Variants in PTPRF observed in about 807,000 individuals in gnomAD.
PTPRF encodes receptor-type tyrosine-protein phosphatase F.
PTPRF carries 59 observed loss-of-function variants against 201.8 expected under a neutral mutation model. The observed-to-expected ratio is 0.29, with a 90% CI of 0.24 to 0.36. The LOEUF (loss-of-function observed/expected upper bound fraction) is 0.36, where lower values mean the gene tolerates loss of function less well. Among genes scored for constraint, PTPRF ranks in the 10% least tolerant of loss-of-function variants. The pLI, the probability that PTPRF is intolerant of heterozygous loss-of-function variation, is 1.00. For synonymous variants in PTPRF, 1,088 were observed against 1,089.7 expected, an observed-to-expected ratio of 1.00 and a Z score of 0.03; for missense variants, 2,132 against 2,690.5, an observed-to-expected ratio of 0.79 and a Z score of 4.59.
intron 11 of PTPRF, among the ~76,000 whole-genome samples, chr1:43,593,144 C>T (rs945080186): frequency 6.6e-6 from 1 of 152,212 alleles, no homozygotes; most frequent in African/African-American, 2.4e-5. Context: ...CCCACGTGTG[C>T]CTTGAATTGT....
chr1:43,546,078 G>A lies in PTPRF; in HGVS notation c.91+912G>A, dbSNP rs1472674944. Among the ~76,000 whole-genome samples the A allele has an allele frequency of 6.6e-6, 1 of 152,158 alleles. No homozygotes were observed. Among genetic ancestry groups the A allele is most frequent in the Non-Finnish European group, 1.5e-5 (1 of 68,018 alleles). ...GTCCAGAGCCCAGGGGTGATCCAGG[G>A]CCAACCCTGGGGTCAGCCCACGGGT... is the stretch of plus-strand genomic sequence containing the variant. On this transcript the variant is annotated intron_variant, in intron 3 of 33. Coordinates refer to ENST00000359947, the MANE Select transcript of PTPRF (RefSeq NM_002840.5). The surrounding 1 kb of genome is among the most constrained non-coding windows in gnomAD (Gnocchi z 4.2).
rs1653023687 is a variant in PTPRF, at chr1:43,598,820, G to A, written c.2220G>A (p.Gln740=). Residue 740 remains glutamine, a synonymous_variant, in exon 13 of 34, where the codon CAG becomes CAA. Transcript: ENST00000359947. ...CTGTCCCCAGCAAGCAGCATGGCCAGATCCGCGGCTACCAGGTCACCTACG... is the reference window on the plus strand; with the variant it reads ...CTGTCCCCAGCAAGCAGCATGGCCAAATCCGCGGCTACCAGGTCACCTACG... The part of the protein sequence containing the change: ...KLPVPSKQHG[Q]IRGYQVTYVR... 1 of 1,614,210 alleles carries A rather than the reference G, an allele frequency of 6.2e-7. No individual in the cohort carries two copies. The highest frequency in any genetic ancestry group is 1.3e-5 in the African/African-American group (1 of 75,068).
chr1:43,574,427 A>G (rs1646789520), intron 6 of PTPRF, among the ~76,000 whole-genome samples: 1 of 151,892 alleles, frequency 6.6e-6, no homozygotes, highest in Admixed American at 6.5e-5. Context: ...TTTTTAAGGA[A>G]AAATAGTTAT....
At chr1:43,530,600 A>AGTG (rs1436011248), upstream of PTPRF, among the ~76,000 whole-genome samples, 1 of 152,030 alleles carries the variant, frequency 6.6e-6, no homozygotes, top group African/African-American at 2.4e-5. The surrounding 1 kb of genome is among the most constrained non-coding windows in gnomAD (Gnocchi z 4.1). Context: ...GGGGTCCTAG[A>AGTG]GTGGTATTAG....
chr1:43,605,600 C>G lies in PTPRF; in HGVS notation c.3461C>G (p.Pro1154Arg). The change falls in exon 19 of 34, where the codon CCC becomes CGC. Residue 1154 changes from proline to arginine, a missense_variant. Pro to Arg is a moderately radical substitution (Grantham distance 103). Coordinates refer to ENST00000359947, the MANE Select transcript of PTPRF (RefSeq NM_002840.5). ...GSMLTPRWST[P>R]EELELDELLE... ...ATGCTGACGCCAAGGTGGAGCACAC[C>G]CGAGGAACTGGAGCTGGACGAGGTA... The G allele has an allele frequency of 3.1e-6, 5 of 1,614,100 alleles. No homozygotes were observed. In the East Asian group the frequency reaches 1.1e-4, roughly 36 times the overall value.
intron 5 of PTPRF, among the ~76,000 whole-genome samples, chr1:43,559,966 T>G (rs1448090750): frequency 6.7e-6 from 1 of 149,534 alleles, no homozygotes; most frequent in Non-Finnish European, 1.5e-5. Flanking sequence ...AGGCAGTGTG[T>G]TTATGTGTGT....
chr1:43,531,252 C>T (rs1264972531), intron 1 of PTPRF, among the ~76,000 whole-genome samples, 162 bp downstream of exon 1: 1 of 150,290 alleles, frequency 6.7e-6, no homozygotes, highest in Non-Finnish European at 1.5e-5. Context: ...CGCCCGCAGC[C>T]TCGGCGAAGC....
In PTPRF at chr1:43,622,106, T is replaced by G; in HGVS notation, c.*103T>G. The G allele has an allele frequency of 7.9e-7, 1 of 1,259,714 alleles. No homozygotes were observed. Among genetic ancestry groups the G allele is most frequent in the Non-Finnish European group, 1.1e-6 (1 of 870,874 alleles). 78.0% of individuals were successfully genotyped at this position (1,259,714 alleles called of 1,614,324 possible). On this transcript the variant is annotated 3_prime_UTR_variant, in exon 34 of 34. Coordinates refer to ENST00000359947, the MANE Select transcript of PTPRF (RefSeq NM_002840.5). The stretch of plus-strand genomic sequence containing the variant: ...TCGTCCAGCCCTCCTACGCAGATGC[T>G]GTCACTGGCAGAGCACAGCCCACGG...
intron 11 of PTPRF, among the ~76,000 whole-genome samples, chr1:43,597,131 C>G (rs753134205): frequency 4.0e-5 from 6 of 151,380 alleles, no homozygotes; most frequent in African/African-American, 1.5e-4. Flanking sequence ...ACGTGTGAGA[C>G]ACTGTGTATA....
chr1:43,595,659 T>TG (rs1176220686), intron 11 of PTPRF, among the ~76,000 whole-genome samples: 6 of 151,774 alleles, frequency 4.0e-5, no homozygotes, highest in African/African-American at 1.5e-4. Flanking sequence ...ACAGTATGGG[T>TG]GGTGAGAGAG....
chr1:43,567,351 C>A (rs544036968), intron 5 of PTPRF, among the ~76,000 whole-genome samples: 1 of 152,244 alleles, frequency 6.6e-6, no homozygotes, highest in Non-Finnish European at 1.5e-5. Flanking sequence ...TCCTTCCCTT[C>A]TCTTGCCACT....
chr1:43,531,746 CGCCCTGGAG>C (rs1299885787), intron 1 of PTPRF, among the ~76,000 whole-genome samples: 1 of 152,082 alleles, frequency 6.6e-6, no homozygotes, highest in African/African-American at 2.4e-5. Context: ...CCGGGTGCAA[CGCCCTGGAG>C]GCCCTGGAGC....
chr1:43,567,562 A>G (rs1241213286), intron 5 of PTPRF, among the ~76,000 whole-genome samples: 3 of 152,204 alleles, frequency 2.0e-5, no homozygotes, highest in Non-Finnish European at 2.9e-5. Context: ...CTCATGGGCC[A>G]CAGTCCCTTT....
chr1:43,584,919 T>C (rs1648726054), intron 7 of PTPRF, among the ~76,000 whole-genome samples: 1 of 152,230 alleles, frequency 6.6e-6, no homozygotes, highest in Admixed American at 6.5e-5. Context: ...TGAATGCTGA[T>C]GCCTCTGGGC....
chr1:43,590,601 G>A (rs766354863), intron 8 of PTPRF, among the ~76,000 whole-genome samples: 7 of 152,214 alleles, frequency 4.6e-5, no homozygotes, highest in Non-Finnish European at 8.8e-5. Flanking sequence ...GTGACCTGCA[G>A]AGGCACATAG....
intron 1 of PTPRF, among the ~76,000 whole-genome samples, chr1:43,531,966 T>G (rs1390479027): frequency 4.6e-5 from 7 of 152,192 alleles, no homozygotes; most frequent in Admixed American, 3.9e-4. Flanking sequence ...CCAGGGTCTC[T>G]CCAGCTGTCT....
chr1:43,571,228 C>A (rs1436473223), intron 6 of PTPRF, among the ~76,000 whole-genome samples: 2 of 152,192 alleles, frequency 1.3e-5, no homozygotes. Context: ...TCCCATTTTT[C>A]CCTAGCCTTT....
At chr1:43,612,812 A>G in intron 22 of PTPRF, 7 of 1,363,928 alleles carry the variant, frequency 5.1e-6, no homozygotes, top group South Asian at 2.3e-5. Flanking sequence ...TTAGTTTTCA[A>G]AGTTCCCGTG....
intron 22 of PTPRF, 112 bp downstream of exon 22, chr1:43,609,610 C>A (rs1471418495): frequency 4.1e-6 from 3 of 725,858 alleles, no homozygotes; most frequent in Admixed American, 5.1e-5. Flanking sequence ...TGCACTTGTT[C>A]CTGCTCCTTT....
Sources: allele counts gnomAD v4.1 joint callset (sites outside exome capture counted in the v4.1 genomes callset), GRCh38; gene constraint gnomAD v4.1.1; non-coding constraint Gnocchi (gnomAD v3.1); transcripts MANE v1.5; gene names NCBI Gene and HGNC (gene_info 2026-07-23, HGNC 2026-07-21).